TYMS: variants seen among roughly 807,000 people sequenced by gnomAD.
The protein encoded by TYMS is thymidylate synthetase.
A neutral mutation model predicts 39.3 loss-of-function variants in TYMS; 21 were observed. The observed-to-expected ratio is 0.54, with a 90% CI of 0.38 to 0.77. The LOEUF is 0.77. TYMS is among the 30% of genes least tolerant of loss of function. The pLI is 0.00. For synonymous variants in TYMS, 171 were observed against 162.2 expected, an observed-to-expected ratio of 1.05 and a Z score of -0.41; for missense variants, 273 against 406.7, an observed-to-expected ratio of 0.67 and a Z score of 2.83.
In TYMS at chr18:667,992, A is replaced by ATTTTTTTTTTTTTTTTTTT. The variant is rs60409589; in HGVS notation, c.455-1079_455-1061dup. 2.8e-4 allele frequency among the ~76,000 whole-genome samples: 29 copies of ATTTTTTTTTTTTTTTTTTT among 105,356 alleles called. 5 individuals carry two copies. Among genetic ancestry groups the ATTTTTTTTTTTTTTTTTTT allele is most frequent in the African/African-American group, 5.0e-4 (11 of 21,854 alleles). The allele number at this position is 105,356 out of a possible 152,430, so 69.1% of individuals were successfully genotyped here. A position where few individuals can be genotyped will look rare whatever the true frequency, so the allele number is the denominator to read the frequency against. On this transcript the variant is annotated intron_variant, in intron 3 of 6. Transcript: ENST00000323274. ...AATTTTGTTTTACAGATTCACAGGAATTTTTTTTTTTTTTTTTTTAATGCA... is the reference window on the plus strand; with the variant it reads ...AATTTTGTTTTACAGATTCACAGGAATTTTTTTTTTTTTTTTTTTTTTTTTTTTTTTTTTTTTTAATGCA...
intron 4 of TYMS, 196 bp downstream of exon 4, chr18:669,369 T>C: frequency 4.1e-6 from 1 of 245,250 alleles, no homozygotes; most frequent in Non-Finnish European, 7.2e-6. Flanking sequence ...CCAGAGGATT[T>C]TTTTTTTTTT....
At chr18:668,376 C>G (rs1051527) in intron 3 of TYMS, among the ~76,000 whole-genome samples, 60,877 of 151,978 alleles carry the variant, frequency 0.4, 13,401 homozygotes, top group East Asian at 0.68. Context: ...CTCTGCACTT[C>G]AGTTAACAAA....
chr18:666,581 A>G (rs190691017), intron 3 of TYMS, among the ~76,000 whole-genome samples: 4 of 152,326 alleles, frequency 2.6e-5, no homozygotes, highest in East Asian at 3.9e-4. Flanking sequence ...GAGACCAGCA[A>G]CCTGGAGAGC....
intron 6 of TYMS, chr18:671,726 G>C (rs888275653): frequency 9.2e-5 from 43 of 467,754 alleles, no homozygotes; most frequent in Non-Finnish European, 1.2e-4. Flanking sequence ...TGTCCAAAAG[G>C]GGGCATTTTA....
intron 4 of TYMS, among the ~76,000 whole-genome samples, chr18:669,967 A>AAAC (rs921598678): frequency 5.9e-5 from 9 of 151,940 alleles, no homozygotes; most frequent in East Asian, 1.9e-4. Flanking sequence ...GAATATTTAA[A>AAAC]AACAACAACA....
In TYMS at chr18:662,314, G is replaced by C. The variant is rs749119392; in HGVS notation, c.448G>C (p.Glu150Gln). 6.2e-7 allele frequency: 1 copy of C among 1,609,764 alleles called. No homozygotes were observed. The highest frequency in any genetic ancestry group is 1.7e-5 in the Admixed American group (1 of 58,644). ...TTTTGGGGCAGAATACAGAGATATGGAATCAGGTGAGGAGATAGAACAATG... is the reference window on the plus strand; with the variant it reads ...TTTTGGGGCAGAATACAGAGATATGCAATCAGGTGAGGAGATAGAACAATG... ...RHFGAEYRDMESDYSGQGVDQ... is the reference protein window; with the variant it reads ...RHFGAEYRDMQSDYSGQGVDQ... Residue 150 changes from glutamate (E) to glutamine (Q), a missense_variant, in exon 3 of 7, where the codon GAA becomes CAA. By Grantham distance (29) the Glu-to-Gln change is conservative (BLOSUM62 2). This residue lies in a region of TYMS where 228 missense variants were observed against 326.1 expected (regional missense o/e 0.70). Transcript: ENST00000323274.
At chr18:662,065 G>GT (rs1251929352) in intron 2 of TYMS, 81 bp from the exon 3 acceptor site, 4 of 1,444,466 alleles carry the variant, frequency 2.8e-6, no homozygotes, top group Non-Finnish European at 3.7e-6. Context: ...AGAGGCCCTT[G>GT]TAAGTGGTGT....
intron 3 of TYMS, among the ~76,000 whole-genome samples, chr18:663,123 G>T (rs2074773856): frequency 1.0e-5 from 1 of 96,500 alleles, no homozygotes; most frequent in Non-Finnish European, 1.9e-5. Flanking sequence ...CTAGTTTACA[G>T]TCCCACCAAC....
chr18:659,892 C>G (rs764469994), intron 2 of TYMS, among the ~76,000 whole-genome samples, 178 bp downstream of exon 2: 2 of 152,030 alleles, frequency 1.3e-5, no homozygotes, highest in African/African-American at 4.8e-5. Flanking sequence ...GCCAACATGG[C>G]GACACCCCAG....
intron 3 of TYMS, 33 bp from the exon 4 acceptor site, chr18:669,039 T>A (rs1262148807): frequency 1.3e-6 from 2 of 1,551,430 alleles, no homozygotes; most frequent in Non-Finnish European, 8.9e-7. Flanking sequence ...GATTAATGTA[T>A]GTACCTGTCC....
intron 4 of TYMS, among the ~76,000 whole-genome samples, chr18:670,077 C>A (rs1320454683): frequency 6.7e-6 from 1 of 148,938 alleles, no homozygotes; most frequent in Non-Finnish European, 1.5e-5. Flanking sequence ...ACAGTCTCAC[C>A]CTGTTGCCCA....
chr18:670,553 A>G, intron 4 of TYMS, 139 bp from the exon 5 acceptor site: 1 of 836,702 alleles, frequency 1.2e-6, no homozygotes, highest in Non-Finnish European at 1.9e-6. Context: ...GCTGTTATGG[A>G]CATCACTGCA....
chr18:669,137 G>A lies in TYMS; in HGVS notation c.520G>A (p.Asp174Asn), dbSNP rs776063973. ...TGACACCATCAAAACCAACCCTGAC[G>A]ACAGAAGAATCATCATGTGCGCTTG... ...VIDTIKTNPD[D>N]RRIIMCAWNP... The change falls in exon 4 of 7, where the codon GAC becomes AAC. Residue 174 changes from aspartate to asparagine, a missense_variant. Around this residue, in one of 3 missense-constraint regions of TYMS, gnomAD observed 228 missense variants for 326.1 expected, o/e 0.70. Transcript: ENST00000323274. The A allele has an allele frequency of 3.1e-6, 5 of 1,614,048 alleles. No individual in the cohort carries two copies. Among genetic ancestry groups the A allele is most frequent in the Non-Finnish European group, 4.2e-6 (5 of 1,180,030 alleles).
At chr18:666,502 C>A (rs1324945406) in intron 3 of TYMS, among the ~76,000 whole-genome samples, 1 of 152,138 alleles carries the variant, frequency 6.6e-6, no homozygotes. Flanking sequence ...GCCCCTCCCA[C>A]CTGTCCCTAG....
intron 2 of TYMS, among the ~76,000 whole-genome samples, chr18:661,884 CT>C (rs2074759351): frequency 6.6e-6 from 1 of 152,234 alleles, no homozygotes; most frequent in African/African-American, 2.4e-5. Flanking sequence ...ACTCGGGAGG[CT>C]GAGGCAGGGG....
intron 4 of TYMS, 60 bp downstream of exon 4, chr18:669,233 G>T (rs1197251667): frequency 7.4e-6 from 11 of 1,495,646 alleles, no homozygotes; most frequent in Non-Finnish European, 1.0e-5. Context: ...GAAGCAATCT[G>T]GTTTTGTGCA....
intron 1 of TYMS, 42 bp from the exon 2 acceptor site, chr18:659,599 C>A (rs1352310818): frequency 1.3e-6 from 2 of 1,551,866 alleles, no homozygotes; most frequent in Admixed American, 3.3e-5. Context: ...ATGGCATGAT[C>A]TGTCTTCCCA....
At position 658,023 on chromosome 18, in the gene TYMS, C is replaced by T. The variant is rs1412658009; in HGVS notation, c.205+76C>T. ...GCTGGGGAGAGCGCTCGGGAGCTGC[C>T]GGGCGCTGCGGACCCCGTTTAGTCC... On this transcript the variant is annotated intron_variant, in intron 1 of 6. Transcript: ENST00000323274. This position sits in a 1 kb window ranked among gnomAD's most constrained non-coding sequence, Gnocchi z 4.5. 3 of 1,531,680 alleles carry T rather than the reference C, an allele frequency of 2.0e-6. No homozygotes were observed. The highest frequency in any genetic ancestry group is 2.6e-6 in the Non-Finnish European group (3 of 1,141,014). The allele number at this position is 1,531,680 out of a possible 1,614,324, so 94.9% of individuals were successfully genotyped here.
intron 4 of TYMS, 38 bp from the exon 5 acceptor site, chr18:670,653 AC>A (rs2075001133): frequency 6.2e-7 from 1 of 1,605,668 alleles, no homozygotes; most frequent in African/African-American, 1.3e-5. Context: ...GGTCTTTCAA[AC>A]CACCATCCCT....
Sources: gnomAD v4.1 joint callset for allele counts (sites outside exome capture counted in the v4.1 genomes callset) on GRCh38, gnomAD v4.1.1 for gene constraint, gnomAD v4.1.1 regional missense constraint, Gnocchi (gnomAD v3.1) non-coding constraint, MANE v1.5 for transcripts, NCBI Gene and HGNC (gene_info 2026-07-23, HGNC 2026-07-21) for gene names.